CD300E: variants seen among roughly 807,000 people sequenced by gnomAD.
The protein encoded by CD300E is CMRF35-like molecule 2.
A neutral mutation model predicts 20.9 loss-of-function variants in CD300E; 14 were observed. The ratio of observed to expected loss-of-function variants is 0.67; its 90% CI spans 0.44 to 1.05. The LOEUF (loss-of-function observed/expected upper bound fraction) is 1.05, where lower values mean the gene tolerates loss of function less well. Ranked by LOEUF, CD300E falls within the 50% of genes least tolerant of loss-of-function variation. The pLI is 0.00. For missense variants in CD300E, 237 were observed against 253.9 expected (o/e 0.93, Z 0.45); for synonymous variants, 102 against 103.7 (o/e 0.98, Z 0.10).
intron 1 of CD300E, among the ~76,000 whole-genome samples, chr17:74,622,775 C>T (rs2143375608): frequency 6.6e-6 from 1 of 151,606 alleles, no homozygotes; most frequent in Admixed American, 6.6e-5. Flanking sequence ...AACTCTATCA[C>T]CCAGGCCAGA....
At position 74,610,926 on chromosome 17, in the gene CD300E, T is replaced by C. The variant is rs2030762415; in HGVS notation, c.*1727A>G. ...TCTGTCCTCTCTCTCTCCCTGTTGC[T>C]CCATCCCTGCTCCGCTGAAATCCTA... is the stretch of plus-strand genomic sequence containing the variant. On this transcript the variant is annotated 3_prime_UTR_variant, in exon 4 of 4. Transcript: ENST00000392619. 1 of 152,460 alleles carries C rather than the reference T, an allele frequency of 6.6e-6. No individual in the cohort carries two copies. Among genetic ancestry groups the C allele is most frequent in the African/African-American group, 2.4e-5 (1 of 41,418 alleles). The allele number at this position is 152,460 out of a possible 1,614,324, so 9.4% of individuals were successfully genotyped here. A position where few individuals can be genotyped will look rare whatever the true frequency, so the allele number is the denominator to read the frequency against.
At chr17:74,618,858 CTG>C (rs2030960812) in intron 1 of CD300E, among the ~76,000 whole-genome samples, 2 of 152,072 alleles carry the variant, frequency 1.3e-5, no homozygotes, top group Admixed American at 1.3e-4. Flanking sequence ...TGCTCCAAAC[CTG>C]TGTTTTCCCG....
rs549079819 is a variant in CD300E at position 74,614,914 on chromosome 17, T to C, written c.389-881A>G. Among the ~76,000 whole-genome samples, 117 of 152,326 alleles carry C rather than the reference T, an allele frequency of 7.7e-4. 6 individuals are homozygous for C. The South Asian group carries it at 0.022, about 28-fold the overall frequency. ...TCATTGCCACTGGACTCCCAGCTCA[T>C]GATCTCCCTAAAGCAGTTGTCCTGG... On this transcript the variant is annotated intron_variant, in intron 2 of 3. Coordinates refer to ENST00000392619, the MANE Select transcript of CD300E (RefSeq NM_181449.3).
chr17:74,622,483 C>CATT (rs764104970), intron 1 of CD300E, among the ~76,000 whole-genome samples: 1 of 152,044 alleles, frequency 6.6e-6, no homozygotes, highest in Admixed American at 6.6e-5. Flanking sequence ...AGAATCTTGT[C>CATT]ATTACATTGG....
Position 74,614,044 on chromosome 17 carries a change from T to A in CD300E, c.389-11A>T. 1.2e-6 allele frequency: 2 copies of A among 1,602,728 alleles called. No homozygotes were observed. Among genetic ancestry groups the A allele is most frequent in the Non-Finnish European group, 1.7e-6 (2 of 1,170,076 alleles). ...TTGGGGTTGTAATTGCTGTTGGAGA[T>A]GAAAATGATGCATCAGCCGTGCCTG... On this transcript the variant is annotated splice_polypyrimidine_tract_variant and intron_variant, in intron 2 of 3. Coordinates refer to ENST00000392619, the MANE Select transcript of CD300E (RefSeq NM_181449.3).
intron 1 of CD300E, among the ~76,000 whole-genome samples, chr17:74,621,090 G>C (rs1441045663): frequency 2.6e-5 from 4 of 152,024 alleles, no homozygotes; most frequent in African/African-American, 9.7e-5. Flanking sequence ...TGAGATAAGG[G>C]GTGTGGCTGA....
chr17:74,616,558 G>A (rs1356685730), intron 2 of CD300E, among the ~76,000 whole-genome samples: 1 of 152,120 alleles, frequency 6.6e-6, no homozygotes, highest in Admixed American at 6.5e-5. Context: ...GGTAGAGGGT[G>A]GGCATGGCCA....
chr17:74,621,602 AG>A (rs1475858763), intron 1 of CD300E, among the ~76,000 whole-genome samples: 2 of 152,304 alleles, frequency 1.3e-5, no homozygotes, highest in East Asian at 3.9e-4. Flanking sequence ...TGGTTGCTTG[AG>A]GTTAATGGGA....
intron 1 of CD300E, chr17:74,619,497 CT>C (rs1427271171): frequency 5.2e-6 from 1 of 192,340 alleles, no homozygotes; most frequent in Admixed American, 5.8e-5. Context: ...CCTTCTGCCC[CT>C]GGCCTCTGGA....
chr17:74,618,510 C>T lies in CD300E; in HGVS notation c.41-1045G>A, dbSNP rs550093426. Among the ~76,000 whole-genome samples, 27 of 152,276 alleles carry T rather than the reference C, an allele frequency of 1.8e-4. No homozygotes were observed. The South Asian group carries it at 4.4e-3, about 25-fold the overall frequency. ...GAAATTGTGAAAGAGCCCCTGGCAT[C>T]TGTGGGTCCTATGACTATCTGGGCT... On this transcript the variant is annotated intron_variant, in intron 1 of 3. Coordinates refer to ENST00000392619, the MANE Select transcript of CD300E (RefSeq NM_181449.3).
rs2030763062 is a variant in CD300E, at chr17:74,610,954, C to G, written c.*1699G>C. On this transcript the variant is annotated 3_prime_UTR_variant, in exon 4 of 4. Coordinates refer to ENST00000392619, the MANE Select transcript of CD300E (RefSeq NM_181449.3). ...ATCCCTGCTCCGCTGAAATCCTATACCTCCTTCAACATCAACATGAATGTC... is the reference window on the plus strand; with the variant it reads ...ATCCCTGCTCCGCTGAAATCCTATAGCTCCTTCAACATCAACATGAATGTC... 1 of 152,404 alleles carries G rather than the reference C, an allele frequency of 6.6e-6. No homozygotes were observed. Among genetic ancestry groups the G allele is most frequent in the South Asian group, 2.1e-4 (1 of 4,818 alleles). The allele number at this position is 152,404 out of a possible 1,614,324, so 9.4% of individuals were successfully genotyped here. A position where few individuals can be genotyped will look rare whatever the true frequency, so the allele number is the denominator to read the frequency against.
rs1598150183 is a variant in CD300E at position 74,617,232 on chromosome 17, G to C, written c.274C>G (p.Gln92Glu). The C allele has an allele frequency of 1.2e-6, 2 of 1,614,082 alleles. No individual in the cohort carries two copies. The highest frequency in any genetic ancestry group is 2.2e-5 in the East Asian group (1 of 44,888). Residue 92 changes from glutamine to glutamate, a missense_variant, in exon 2 of 4, where the codon CAG (glutamine) becomes GAG (glutamate). Transcript: ENST00000392619. ...CCAGCATCATCTTCATTGAGGTTCT[G>C]CATGGTCACAGTGAAGGCGAGAGCC... The part of the protein sequence containing the change: ...PEALAFTVTM[Q>E]NLNEDDAGSY...
chr17:74,620,230 G>A (rs560257313), intron 1 of CD300E, among the ~76,000 whole-genome samples: 8 of 152,306 alleles, frequency 5.3e-5, no homozygotes, highest in African/African-American at 1.7e-4. Flanking sequence ...CCAGCACTTT[G>A]GGAGGCCGAG....
At chr17:74,614,120 C>T (rs1215761210) in intron 2 of CD300E, 87 bp from the exon 3 acceptor site, 1 of 1,044,198 alleles carries the variant, frequency 9.6e-7, no homozygotes, top group Non-Finnish European at 1.5e-6. Context: ...CAGAATCACC[C>T]ACTCACAGAA....
intron 2 of CD300E, among the ~76,000 whole-genome samples, chr17:74,614,475 C>CTT (rs151029563): frequency 1.5e-4 from 17 of 113,324 alleles, no homozygotes; most frequent in African/African-American, 1.8e-4. Context: ...TGTGGACACT[C>CTT]TTTTTTTTTT....
intron 1 of CD300E, among the ~76,000 whole-genome samples, chr17:74,620,557 C>A (rs2030998608): frequency 6.6e-6 from 1 of 151,942 alleles, no homozygotes; most frequent in Non-Finnish European, 1.5e-5. Flanking sequence ...GCAGGAGAAT[C>A]ACTTGAACCT....
intron 2 of CD300E, among the ~76,000 whole-genome samples, chr17:74,616,214 T>A (rs1017708964): frequency 6.6e-6 from 1 of 152,094 alleles, no homozygotes; most frequent in African/African-American, 2.4e-5. Context: ...AGAAGGTCAC[T>A]GTGAGGTTGA....
chr17:74,620,335 A>G (rs1193074001), intron 1 of CD300E, among the ~76,000 whole-genome samples: 1 of 152,160 alleles, frequency 6.6e-6, no homozygotes, highest in Non-Finnish European at 1.5e-5. Flanking sequence ...AGCCAGGCAT[A>G]GTGGCGGGGG....
At position 74,617,135 on chromosome 17, in the gene CD300E, C is replaced by A; in HGVS notation, c.371G>T (p.Arg124Met). The A allele has an allele frequency of 6.2e-7, 1 of 1,614,230 alleles. No individual in the cohort carries two copies. Among genetic ancestry groups the A allele is most frequent in the Non-Finnish European group, 8.5e-7 (1 of 1,180,030 alleles). ...GCTCTTACCTGGGGAAACATACACC[C>A]TAACCAGGTCCGAGGGATCGCGTGA... ...SWSRDPSDLV[R>M]VYVSPAITTP... The change falls in exon 2 of 4, where the codon AGG becomes ATG. Residue 124 changes from arginine (R) to methionine (M), a missense_variant. Physicochemically the swap from Arg to Met is moderately conservative, Grantham distance 91. Coordinates refer to ENST00000392619, the MANE Select transcript of CD300E (RefSeq NM_181449.3).
Sources: gnomAD v4.1 joint callset for allele counts (sites outside exome capture counted in the v4.1 genomes callset) on GRCh38, gnomAD v4.1.1 for gene constraint, MANE v1.5 for transcripts, NCBI Gene and HGNC (gene_info 2026-07-23, HGNC 2026-07-21) for gene names.